The following MCTP2 variants were observed in gnomAD, a reference collection of about 807,000 sequenced individuals.
MCTP2 encodes multiple C2 and transmembrane domain containing 2, also known as multiple C2 and transmembrane domain-containing protein 2.
In MCTP2, 132 loss-of-function variants were observed where a neutral mutation model predicts 111.6. The observed-to-expected ratio is 1.18, with a 90% CI of 1.03 to 1.37. The LOEUF (loss-of-function observed/expected upper bound fraction) is 1.37, where lower values mean the gene tolerates loss of function less well. Ranked by LOEUF, MCTP2 falls within the 40% of genes most tolerant of loss-of-function variation. MCTP2 has a pLI of 0.00. For synonymous variants in MCTP2, 395 were observed against 387.7 expected (o/e 1.02, Z -0.22); for missense variants, 1,183 against 1,067.9 (o/e 1.11, Z -1.50).
chr15:94,338,775 A>G (rs1031653713), intron 4 of MCTP2, among the ~76,000 whole-genome samples: 1 of 152,040 alleles, frequency 6.6e-6, no homozygotes, highest in Admixed American at 6.5e-5. Context: ...TGTCAATTTA[A>G]TCTCTACGCC....
chr15:94,287,993 C>A (rs552284893), intron 1 of MCTP2, among the ~76,000 whole-genome samples: 102 of 152,162 alleles, frequency 6.7e-4, no homozygotes, highest in Non-Finnish European at 1.4e-3. Flanking sequence ...TGCCCCGGCT[C>A]CCCAACAGTC....
At chr15:94,243,171 G>T (rs553457425) in intron 1 of MCTP2, among the ~76,000 whole-genome samples, 1 of 129,640 alleles carries the variant, frequency 7.7e-6, no homozygotes, top group African/African-American at 2.9e-5. Flanking sequence ...ATATACATAC[G>T]TACGTATGTA....
chr15:94,293,271 A>G (rs1029292577), intron 1 of MCTP2, among the ~76,000 whole-genome samples: 4 of 152,208 alleles, frequency 2.6e-5, no homozygotes, highest in African/African-American at 7.2e-5. Flanking sequence ...TGAGAAGACA[A>G]GCTACAAAGT....
intron 17 of MCTP2, among the ~76,000 whole-genome samples, chr15:94,431,594 A>C (rs1355822712): frequency 3.9e-5 from 6 of 152,346 alleles, no homozygotes; most frequent in African/African-American, 1.4e-4. Context: ...TAACAAAAAA[A>C]GGCAGTTACA....
At chr15:94,266,037 G>A (rs568160033) in intron 1 of MCTP2, among the ~76,000 whole-genome samples, 18 of 151,850 alleles carry the variant, frequency 1.2e-4, no homozygotes, top group Non-Finnish European at 2.4e-4. Context: ...TTAAATCTCT[G>A]TAGCTAGCTG....
Position 94,298,577 on chromosome 15 carries a change from T to C in MCTP2, c.312T>C (p.Asp104=), listed in dbSNP as rs1439575280. The part of the protein sequence containing the change: ...SSLKQSEEEL[D]WSQEEASHLH... ...TGAAACAGTCTGAAGAAGAATTGGA[T>C]TGGAGCCAGGAAGAAGCCAGTCACC... Residue 104 remains aspartate, a synonymous_variant, in exon 2 of 23, where the codon GAT becomes GAC. Transcript: ENST00000357742. 1.9e-6 allele frequency: 3 copies of C among 1,613,970 alleles called. No individual in the cohort carries two copies. Among genetic ancestry groups the C allele is most frequent in the East Asian group, 2.2e-5 (1 of 44,872 alleles).
intron 17 of MCTP2, among the ~76,000 whole-genome samples, chr15:94,437,340 AAG>A (rs2083536662): frequency 6.6e-6 from 1 of 151,976 alleles, no homozygotes; most frequent in Non-Finnish European, 1.5e-5. Flanking sequence ...ATAAAAAAGA[AAG>A]AATGTGAATA....
At chr15:94,246,309 C>T (rs2072002185) in intron 1 of MCTP2, among the ~76,000 whole-genome samples, 1 of 152,132 alleles carries the variant, frequency 6.6e-6, no homozygotes, top group Admixed American at 6.5e-5. Flanking sequence ...TTGTGTGTCA[C>T]TGGGAAAGTT....
At chr15:94,469,325 T>C (rs776922175) in intron 20 of MCTP2, among the ~76,000 whole-genome samples, 1 of 152,192 alleles carries the variant, frequency 6.6e-6, no homozygotes, top group Admixed American at 6.5e-5. Context: ...TCCAAGTCCA[T>C]GTCCCATCTT....
At chr15:94,475,016 G>T (rs2074240950) in intron 21 of MCTP2, among the ~76,000 whole-genome samples, 1 of 152,122 alleles carries the variant, frequency 6.6e-6, no homozygotes, top group Non-Finnish European at 1.5e-5. Flanking sequence ...GCCGTTCATT[G>T]TGAAGACTCC....
At chr15:94,472,734 A>G (rs2074031860) in intron 21 of MCTP2, among the ~76,000 whole-genome samples, 1 of 152,240 alleles carries the variant, frequency 6.6e-6, no homozygotes, top group African/African-American at 2.4e-5. Flanking sequence ...ACAAGCCTTG[A>G]CAATCACCAC....
At position 94,480,683 on chromosome 15, in the gene MCTP2, G is replaced by T. The variant is rs867429784; in HGVS notation, c.*1649G>T. On this transcript the variant is annotated 3_prime_UTR_variant, in exon 23 of 23. Coordinates refer to ENST00000357742, the MANE Select transcript of MCTP2 (RefSeq NM_001385001.1). ...TTATCATAGTCTGTCATTTTGTAAC[G>T]ACCTAAGTCAGACATTTTTAAACAG... is the stretch of plus-strand genomic sequence containing the variant. 2 of 152,062 alleles carry T rather than the reference G, an allele frequency of 1.3e-5. No homozygotes were observed. The highest frequency in any genetic ancestry group is 4.8e-5 in the African/African-American group (2 of 41,400). 9.4% of individuals were successfully genotyped at this position (152,062 alleles called of 1,614,324 possible).
intron 1 of MCTP2, among the ~76,000 whole-genome samples, chr15:94,267,897 G>A (rs1195310411): frequency 2.7e-4 from 6 of 22,552 alleles, no homozygotes; most frequent in African/African-American, 1.1e-3. Flanking sequence ...ACAGAGTCTT[G>A]CTCTGTCGCC....
chr15:94,245,356 G>A lies in MCTP2; in HGVS notation c.-66+13692G>A, dbSNP rs116967981. Among the ~76,000 whole-genome samples, 860 of 111,220 alleles carry A rather than the reference G, an allele frequency of 7.7e-3. 8 individuals are homozygous for A. Among genetic ancestry groups the A allele is most frequent in the African/African-American group, 0.023 (759 of 32,708 alleles). 73.0% of individuals were successfully genotyped at this position (111,220 alleles called of 152,430 possible). On this transcript the variant is annotated intron_variant, in intron 1 of 22. Coordinates refer to ENST00000357742, the MANE Select transcript of MCTP2 (RefSeq NM_001385001.1). ...TATGTGTAGATATTTACATACATAT[G>A]TATATATATTTACATACATATGTAT...
At chr15:94,426,173 A>AGAAT (rs1491261248) in intron 17 of MCTP2, among the ~76,000 whole-genome samples, 3 of 114,084 alleles carry the variant, frequency 2.6e-5, no homozygotes, top group African/African-American at 1.0e-4. Flanking sequence ...AGAGAGAGAG[A>AGAAT]ATGTGTGTGT....
chr15:94,432,600 A>T (rs900445296), intron 17 of MCTP2, among the ~76,000 whole-genome samples: 8 of 152,208 alleles, frequency 5.3e-5, no homozygotes, highest in Admixed American at 4.6e-4. Flanking sequence ...AAATATATTT[A>T]TTCAAATGAG....
chr15:94,401,144 C>G (rs2081568447), intron 16 of MCTP2, among the ~76,000 whole-genome samples: 1 of 152,082 alleles, frequency 6.6e-6, no homozygotes, highest in African/African-American at 2.4e-5. Context: ...GCTCTCAGAG[C>G]ACTGGGGAAC....
chr15:94,310,189 T>C (rs1348500576), intron 2 of MCTP2, among the ~76,000 whole-genome samples: 2 of 152,138 alleles, frequency 1.3e-5, no homozygotes, highest in African/African-American at 4.8e-5. Context: ...AGGCATTAAG[T>C]TGGGTAAAAG....
At chr15:94,276,054 C>T (rs547171319) in intron 1 of MCTP2, among the ~76,000 whole-genome samples, 10 of 152,056 alleles carry the variant, frequency 6.6e-5, no homozygotes, top group African/African-American at 1.9e-4. Context: ...CCGTGTTAGC[C>T]AGGATGGTCT....
Sources: gnomAD v4.1 joint callset for allele counts (sites outside exome capture counted in the v4.1 genomes callset) on GRCh38, gnomAD v4.1.1 for gene constraint, MANE v1.5 for transcripts, NCBI Gene and HGNC (gene_info 2026-07-23, HGNC 2026-07-21) for gene names.